MTMR1: variants seen among roughly 807,000 people sequenced by gnomAD.
The protein encoded by MTMR1 is myotubularin related protein 1.
Under a neutral mutation model 51.6 loss-of-function variants are expected in MTMR1, and 17 were observed. The ratio of observed to expected loss-of-function variants is 0.33; its 90% confidence interval spans 0.23 to 0.49. The LOEUF is 0.49. Ranked by LOEUF, MTMR1 falls within the 20% of genes least tolerant of loss-of-function variation. MTMR1 has a pLI of 0.99. For missense variants in MTMR1, 386 were observed against 526.9 expected (o/e 0.73, Z 2.62); for synonymous variants, 201 against 205.6 (o/e 0.98, Z 0.19).
chrX:150,739,805 A>C (rs2042374975), intron 12 of MTMR1, among the ~76,000 whole-genome samples: 1 of 112,444 alleles, frequency 8.9e-6, no homozygotes, highest in Non-Finnish European at 1.9e-5. Context: ...TCTCATTCAC[A>C]GATGGGGAAA....
chrX:150,707,031 T>G (rs1185258597), intron 2 of MTMR1, among the ~76,000 whole-genome samples: 1 of 105,947 alleles, frequency 9.4e-6, no homozygotes, highest in Non-Finnish European at 1.9e-5. Flanking sequence ...ACTGCTGGAG[T>G]AATTGGACAT....
At chrX:150,751,902 T>TTTTC (rs1557417613) in intron 14 of MTMR1, among the ~76,000 whole-genome samples, 13 of 96,021 alleles carry the variant, frequency 1.4e-4, no homozygotes, top group Middle Eastern at 5.4e-3. Flanking sequence ...AGTATATTCT[T>TTTTC]TTTCTTTCTT....
At chrX:150,762,109 A>AC (rs2043155433) in intron 15 of MTMR1, among the ~76,000 whole-genome samples, 1 of 112,904 alleles carries the variant, frequency 8.9e-6, no homozygotes, top group Non-Finnish European at 1.9e-5. Flanking sequence ...ATTTAACAGA[A>AC]GGATTTTCAG....
At chrX:150,727,401 C>A in intron 5 of MTMR1, 92 bp downstream of exon 5, 1 of 721,213 alleles carries the variant, frequency 1.4e-6, no homozygotes. Context: ...AATCCCATTA[C>A]CCTGAGATAA....
At chrX:150,710,116 G>T in intron 2 of MTMR1, among the ~76,000 whole-genome samples, 1 of 111,775 alleles carries the variant, frequency 8.9e-6, no homozygotes, top group Middle Eastern at 4.6e-3. Context: ...GGAGTTAAGA[G>T]ATATTTAACA....
intron 4 of MTMR1, among the ~76,000 whole-genome samples, chrX:150,723,484 G>C (rs1342646173): frequency 9.1e-6 from 1 of 109,748 alleles, no homozygotes; most frequent in African/African-American, 3.3e-5. Flanking sequence ...GTGTAAAAGT[G>C]TTCCTATTTC....
chrX:150,764,859 G>A lies in MTMR1; in HGVS notation c.*2130G>A, dbSNP rs925654854. On this transcript the variant is annotated 3_prime_UTR_variant, in exon 16 of 16. Coordinates refer to ENST00000445323, the MANE Select transcript of MTMR1 (RefSeq NM_001306144.3). ...GTTCAGGTTTTTAAAAACTGGTACA[G>A]TATTGTATTTGTCTCATCTGTTGCA... 9 of 112,389 alleles carry A rather than the reference G, an allele frequency of 8.0e-5. No individual in the cohort carries two copies. The highest frequency in any genetic ancestry group is 2.9e-4 in the African/African-American group (9 of 30,770). The allele number at this position is 112,389 out of a possible 1,213,427, so 9.3% of individuals were successfully genotyped here. A position where few individuals can be genotyped will look rare whatever the true frequency, so the allele number is the denominator to read the frequency against.
intron 4 of MTMR1, among the ~76,000 whole-genome samples, chrX:150,725,248 G>A (rs2041889393): frequency 9.0e-6 from 1 of 111,361 alleles, no homozygotes; most frequent in Non-Finnish European, 1.9e-5. Flanking sequence ...TAATTTCTTC[G>A]AGCAGTATTT....
At chrX:150,716,822 A>G (rs1483775729) in intron 3 of MTMR1, among the ~76,000 whole-genome samples, 1 of 112,667 alleles carries the variant, frequency 8.9e-6, no homozygotes, top group Non-Finnish European at 1.9e-5. Context: ...TATGAAAATA[A>G]TTACTATTTT....
At chrX:150,728,877 A>G (rs2042023925) in intron 6 of MTMR1, among the ~76,000 whole-genome samples, 1 of 107,356 alleles carries the variant, frequency 9.3e-6, no homozygotes, top group South Asian at 4.2e-4. Flanking sequence ...TTTTTTTTCC[A>G]AAGAACCCTT....
chrX:150,738,281 G>T (rs2042333305), intron 12 of MTMR1, among the ~76,000 whole-genome samples: 1 of 111,630 alleles, frequency 9.0e-6, no homozygotes, highest in Admixed American at 9.5e-5. Flanking sequence ...TATTTTCAAG[G>T]TTCATCCATG....
intron 3 of MTMR1, 72 bp from the exon 4 acceptor site, chrX:150,718,553 C>T: frequency 1.9e-6 from 2 of 1,043,861 alleles, no homozygotes; most frequent in African/African-American, 2.1e-5. Context: ...CACAGGTATA[C>T]GGAAAGTGAG....
rs147970198 is a variant in MTMR1 at position 150,726,202 on chromosome X, G to A, written c.353-1013G>A. Reference sequence around the variant, plus strand: ...GAGCGTGAACCCTGTTGTGAATTGCGCATGTGAGGAATCTAGGTTGTATGT... The same window carrying A: ...GAGCGTGAACCCTGTTGTGAATTGCACATGTGAGGAATCTAGGTTGTATGT... On this transcript the variant is annotated intron_variant, in intron 4 of 15. Transcript: ENST00000445323. 4.6e-3 allele frequency among the ~76,000 whole-genome samples: 518 copies of A among 111,403 alleles called. 3 individuals are homozygous for A. The highest frequency in any genetic ancestry group is 0.018 in the Middle Eastern group (4 of 217).
chrX:150,731,691 A>G (rs918097545), intron 9 of MTMR1, 72 bp downstream of exon 9: 1 of 963,920 alleles, frequency 1.0e-6, no homozygotes, highest in Non-Finnish European at 1.4e-6. Flanking sequence ...GATTTAAGAC[A>G]AAAAAGAAAC....
At chrX:150,714,519 A>C in intron 3 of MTMR1, 1 of 982,056 alleles carries the variant, frequency 1.0e-6, no homozygotes, top group Non-Finnish European at 1.3e-6. Flanking sequence ...TCTGAAGCTG[A>C]AGCTGATCAG....
intron 13 of MTMR1, among the ~76,000 whole-genome samples, chrX:150,749,515 C>T (rs7887268): frequency 0.12 from 13,075 of 111,461 alleles, 1,167 homozygotes; most frequent in African/African-American, 0.3. Flanking sequence ...GCACTCAGCA[C>T]ATGCCTGCTG....
intron 15 of MTMR1, among the ~76,000 whole-genome samples, chrX:150,756,248 G>A (rs1557417760): frequency 8.9e-6 from 1 of 111,879 alleles, no homozygotes; most frequent in African/African-American, 3.3e-5. Context: ...AGATGCATCA[G>A]GGCTACAGTG....
At chrX:150,765,106 T>TGAG (rs1557418447) in exon 16 of MTMR1, 1 of 102,353 alleles carries the variant, frequency 9.8e-6, no homozygotes, top group Non-Finnish European at 2.0e-5. Flanking sequence ...AAATGTATCA[T>TGAG]GAGTCTTAAG....
At position 150,762,724 on chromosome X, in the gene MTMR1, G is replaced by A; in HGVS notation, c.2017G>A (p.Val673Ile). 2 of 1,165,842 alleles carry A rather than the reference G, an allele frequency of 1.7e-6. No individual in the cohort carries two copies. The highest frequency in any genetic ancestry group is 3.1e-5 in the East Asian group (1 of 32,676). ...SHSATSVHTS[V>I] ...CTCCGCCACCTCCGTCCACACCTCG[G>A]TCTGATGGGCGAGGTCAGCCTGCTG... Residue 673 changes from valine (V) to isoleucine (I), a missense_variant, in exon 16 of 16, where the codon GTC becomes ATC. Coordinates refer to ENST00000445323, the MANE Select transcript of MTMR1 (RefSeq NM_001306144.3).
Sources: allele counts gnomAD v4.1 joint callset (sites outside exome capture counted in the v4.1 genomes callset), GRCh38; gene constraint gnomAD v4.1.1; transcripts MANE v1.5; gene names NCBI Gene and HGNC (gene_info 2026-07-23, HGNC 2026-07-21).